Variants in RNF130 observed in about 807,000 individuals in gnomAD.
The protein encoded by RNF130 is E3 ubiquitin-protein ligase RNF130.
A neutral mutation model predicts 44.6 loss-of-function variants in RNF130; 21 were observed. The observed-to-expected ratio is 0.47, with a 90% CI of 0.33 to 0.68. RNF130 has a LOEUF of 0.68. Among genes scored for constraint, RNF130 ranks in the 30% least tolerant of loss-of-function variants. The pLI is 0.02. For synonymous variants in RNF130, 214 were observed against 210.4 expected, an observed-to-expected ratio of 1.02 and a Z score of -0.15; for missense variants, 479 against 560.6, an observed-to-expected ratio of 0.85 and a Z score of 1.47.
intron 8 of RNF130, among the ~76,000 whole-genome samples, chr5:179,960,281 T>A (rs572885072): frequency 6.6e-6 from 1 of 152,340 alleles, no homozygotes; most frequent in African/African-American, 2.4e-5. Flanking sequence ...CTTCTTTGAC[T>A]ACCATCCTGT....
intron 3 of RNF130, among the ~76,000 whole-genome samples, chr5:179,993,765 A>G (rs574977025): frequency 1.1e-4 from 17 of 152,244 alleles, no homozygotes; most frequent in Admixed American, 7.2e-4. Context: ...TTTTGTGGCC[A>G]TTGCTTTTGG....
In RNF130 at chr5:179,919,964, C is replaced by T. The variant is rs559110505; in HGVS notation, c.*353G>A. ...AGGGACCACAAAAGGATGTTAAAAA[C>T]CCCAGCTTCCCTGGTGCAGAACAGC... On this transcript the variant is annotated 3_prime_UTR_variant, in exon 8 of 8. Coordinates refer to the RNF130 transcript ENST00000522208. 2.0e-3 allele frequency: 387 copies of T among 197,256 alleles called. 1 individual carries two copies. The highest frequency in any genetic ancestry group is 3.1e-3 in the Non-Finnish European group (295 of 95,492). The allele number at this position is 197,256 out of a possible 1,614,324, so 12.2% of individuals were successfully genotyped here. A position where few individuals can be genotyped will look rare whatever the true frequency, so the allele number is the denominator to read the frequency against.
chr5:180,006,347 T>C (rs1763462034), intron 3 of RNF130, among the ~76,000 whole-genome samples: 2 of 152,298 alleles, frequency 1.3e-5, no homozygotes, highest in Middle Eastern at 3.4e-3. Context: ...ACTGTACTCA[T>C]GCAAAGTTTT....
At chr5:179,962,315 T>G (rs1042873350) in intron 8 of RNF130, among the ~76,000 whole-genome samples, 1 of 152,206 alleles carries the variant, frequency 6.6e-6, no homozygotes, top group Non-Finnish European at 1.5e-5. Context: ...TTAGATTGAA[T>G]AACACATGCC....
chr5:180,046,584 T>C (rs893267088), intron 1 of RNF130, among the ~76,000 whole-genome samples: 1 of 152,128 alleles, frequency 6.6e-6, no homozygotes, highest in Admixed American at 6.5e-5. Context: ...TTTTCTGCAG[T>C]GATGGTCAAA....
chr5:179,966,196 C>T (rs535370845), intron 7 of RNF130, among the ~76,000 whole-genome samples: 40 of 152,208 alleles, frequency 2.6e-4, no homozygotes, highest in Non-Finnish European at 5.1e-4. Flanking sequence ...GTCGACAGTG[C>T]AATGTGAAGA....
At chr5:180,040,381 G>T in intron 2 of RNF130, 72 bp downstream of exon 2, 1 of 1,372,492 alleles carries the variant, frequency 7.3e-7, no homozygotes, top group Non-Finnish European at 1.0e-6. Flanking sequence ...TTCAGCAGAG[G>T]CAGAATGCTT....
chr5:180,002,126 C>T (rs568543670), intron 3 of RNF130, among the ~76,000 whole-genome samples: 1 of 152,356 alleles, frequency 6.6e-6, no homozygotes, highest in Non-Finnish European at 1.5e-5. Flanking sequence ...TGTGTGATCA[C>T]TCTGGATGGC....
intron 1 of RNF130, among the ~76,000 whole-genome samples, chr5:180,042,943 T>G (rs756126875): frequency 1.1e-4 from 17 of 152,210 alleles, no homozygotes; most frequent in Admixed American, 6.5e-4. Context: ...TGACTGAAAT[T>G]CTCCCATCTT....
intron 5 of RNF130, among the ~76,000 whole-genome samples, 173 bp downstream of exon 5, chr5:179,978,030 C>T (rs1313223946): frequency 6.6e-6 from 1 of 152,256 alleles, no homozygotes; most frequent in East Asian, 1.9e-4. Flanking sequence ...ACCTGCTGAA[C>T]AGCACCACTC....
chr5:179,964,473 T>A (rs1762400918), intron 7 of RNF130: 1 of 152,214 alleles, frequency 6.6e-6, no homozygotes, highest in Admixed American at 6.5e-5. Context: ...ACACACTGAC[T>A]AGGGCTGTTT....
chr5:180,035,517 T>C (rs1229101232), intron 2 of RNF130, among the ~76,000 whole-genome samples: 1 of 152,192 alleles, frequency 6.6e-6, no homozygotes, highest in Non-Finnish European at 1.5e-5. Context: ...CTAGGTCAAG[T>C]TGGTTAATAG....
At chr5:179,993,406 A>G (rs1236719055) in intron 3 of RNF130, among the ~76,000 whole-genome samples, 2 of 152,200 alleles carry the variant, frequency 1.3e-5, no homozygotes, top group African/African-American at 2.4e-5. Context: ...ACTTTTTAAC[A>G]ATCACCATTC....
intron 3 of RNF130, among the ~76,000 whole-genome samples, chr5:179,997,024 T>C (rs1190238306): frequency 6.6e-6 from 1 of 152,266 alleles, no homozygotes; most frequent in Non-Finnish European, 1.5e-5. Flanking sequence ...AGGTTTTCTA[T>C]TTCCTCTTGA....
intron 1 of RNF130, among the ~76,000 whole-genome samples, chr5:180,056,324 G>A (rs1764822077): frequency 6.6e-6 from 1 of 152,070 alleles, no homozygotes; most frequent in South Asian, 2.1e-4. Flanking sequence ...GGCTACATGT[G>A]GATGTGCAAC....
intron 1 of RNF130, among the ~76,000 whole-genome samples, chr5:180,052,424 C>T (rs1764708126): frequency 6.6e-6 from 1 of 152,220 alleles, no homozygotes; most frequent in African/African-American, 2.4e-5. Flanking sequence ...CTCAACTTCC[C>T]ACTGCTGCTG....
At chr5:179,935,779 A>C (rs1582128309) in intron 7 of RNF130, among the ~76,000 whole-genome samples, 1 of 123,344 alleles carries the variant, frequency 8.1e-6, no homozygotes, top group South Asian at 3.2e-4. Flanking sequence ...AGATCATTTT[A>C]CTTTTTTTTT....
intron 8 of RNF130, among the ~76,000 whole-genome samples, chr5:179,962,962 C>T (rs1445270580): frequency 1.3e-5 from 2 of 152,252 alleles, no homozygotes; most frequent in East Asian, 1.9e-4. Context: ...TCTCTTCCTC[C>T]TCACAGCTGT....
intron 3 of RNF130, among the ~76,000 whole-genome samples, chr5:179,983,469 T>G (rs1258328556): frequency 2.6e-5 from 4 of 152,134 alleles, no homozygotes; most frequent in Non-Finnish European, 1.5e-5. Context: ...TGGGTCTATG[T>G]GCGGACACTA....
Sources: gnomAD v4.1 joint callset for allele counts (sites outside exome capture counted in the v4.1 genomes callset) on GRCh38, gnomAD v4.1.1 for gene constraint, MANE v1.5 for transcripts, NCBI Gene and HGNC (gene_info 2026-07-23, HGNC 2026-07-21) for gene names.